The following PDE4D variants were observed in gnomAD, a reference collection of about 807,000 sequenced individuals.
The protein encoded by PDE4D is 3',5'-cyclic-AMP phosphodiesterase 4D.
A neutral mutation model predicts 87.4 loss-of-function variants in PDE4D; 24 were observed. That is an observed-to-expected ratio of 0.27 (90% confidence interval 0.20 to 0.39). PDE4D has a LOEUF of 0.39. PDE4D is among the 10% of genes least tolerant of loss of function. The pLI, the probability that PDE4D is intolerant of heterozygous loss-of-function variation, is 1.00. For missense variants in PDE4D, 714 were observed against 1,041.0 expected, an observed-to-expected ratio of 0.69 and a Z score of 4.32; for synonymous variants, 384 against 383.2, an observed-to-expected ratio of 1.00 and a Z score of -0.02.
intron 3 of PDE4D, among the ~76,000 whole-genome samples, chr5:59,924,291 G>C (rs967876520): frequency 5.3e-5 from 8 of 152,096 alleles, no homozygotes; most frequent in Admixed American, 3.3e-4. Context: ...AAGGTGGAGA[G>C]AGACATAGGG....
intron 2 of PDE4D, among the ~76,000 whole-genome samples, chr5:60,073,507 T>A (rs1476542033): frequency 3.3e-5 from 5 of 150,068 alleles, no homozygotes; most frequent in Admixed American, 1.3e-4. Flanking sequence ...TTTTTTTTTT[T>A]AAATCAGGAT....
At chr5:59,701,999 G>GC (rs1752645572) in intron 1 of PDE4D, among the ~76,000 whole-genome samples, 1 of 152,202 alleles carries the variant, frequency 6.6e-6, no homozygotes, top group African/African-American at 2.4e-5. Context: ...GGCCAAGAAA[G>GC]CACTGGTCAA....
chr5:59,653,968 G>A (rs1034287063), intron 1 of PDE4D, among the ~76,000 whole-genome samples: 43 of 152,028 alleles, frequency 2.8e-4, no homozygotes, highest in African/African-American at 1.0e-3. Context: ...CACTTTGGGA[G>A]GGTGAGGCCT....
upstream of PDE4D, among the ~76,000 whole-genome samples, chr5:59,896,648 T>C (rs1751688724): frequency 6.6e-6 from 1 of 152,228 alleles, no homozygotes; most frequent in Non-Finnish European, 1.5e-5. Context: ...CATCAGCAAC[T>C]ACTGATCCAG....
chr5:60,360,399 C>T (rs926055986), intron 1 of PDE4D, among the ~76,000 whole-genome samples: 1 of 152,134 alleles, frequency 6.6e-6, no homozygotes, highest in African/African-American at 2.4e-5. Flanking sequence ...AATGCAATTG[C>T]TTTTGAAAAA....
At chr5:59,822,615 T>C (rs976387045) in intron 1 of PDE4D, among the ~76,000 whole-genome samples, 1 of 152,210 alleles carries the variant, frequency 6.6e-6, no homozygotes. Context: ...ATGTTGCTAC[T>C]AAATAGATCT....
At chr5:59,210,787 A>C (rs372028394) in intron 2 of PDE4D, among the ~76,000 whole-genome samples, 39 of 152,314 alleles carry the variant, frequency 2.6e-4, no homozygotes, top group African/African-American at 9.4e-4. Flanking sequence ...TTAACAGAGG[A>C]TGGGGAATAG....
At chr5:59,290,501 G>C (rs979691474) in intron 1 of PDE4D, among the ~76,000 whole-genome samples, 1 of 152,024 alleles carries the variant, frequency 6.6e-6, no homozygotes, top group Non-Finnish European at 1.5e-5. Context: ...AAAGTCTCTA[G>C]AACATTGGAC....
intron 1 of PDE4D, among the ~76,000 whole-genome samples, chr5:59,580,348 G>GTT (rs1219630602): frequency 6.6e-6 from 1 of 152,186 alleles, no homozygotes; most frequent in Non-Finnish European, 1.5e-5. Flanking sequence ...ATTAAAGGAT[G>GTT]TAACTTATGT....
At chr5:60,002,831 G>A (rs1222934634) in intron 2 of PDE4D, among the ~76,000 whole-genome samples, 4 of 152,110 alleles carry the variant, frequency 2.6e-5, no homozygotes, top group Non-Finnish European at 5.9e-5. Context: ...ACTAAATGGT[G>A]GAAAACTGAA....
rs530526917 is a variant in PDE4D at position 59,966,087 on chromosome 5, A to G, written c.272+22401T>C. Among the ~76,000 whole-genome samples the G allele has an allele frequency of 4.6e-5, 7 of 152,150 alleles. No individual in the cohort carries two copies. In the South Asian group the frequency reaches 1.2e-3, roughly 27 times the overall value. On this transcript the variant is annotated intron_variant, in intron 3 of 16. Coordinates refer to the PDE4D transcript ENST00000502484. ...CTCACAAGTGAGGATCTCATCTGTT[A>G]CCCCCACCTCTCAACTCAATCTCTG...
chr5:59,363,562 C>G (rs11960438), intron 1 of PDE4D, among the ~76,000 whole-genome samples: 13,110 of 152,178 alleles, frequency 0.086, 658 homozygotes, highest in Middle Eastern at 0.14. Flanking sequence ...ACAGGAAAAA[C>G]AATTGGTGTC....
At chr5:59,523,158 T>C (rs1812526055) in intron 1 of PDE4D, among the ~76,000 whole-genome samples, 1 of 152,186 alleles carries the variant, frequency 6.6e-6, no homozygotes, top group South Asian at 2.1e-4. Flanking sequence ...TACATTTTGC[T>C]CTCAAACACC....
chr5:59,887,481 A>G (rs556911768), intron 1 of PDE4D, among the ~76,000 whole-genome samples: 1 of 152,346 alleles, frequency 6.6e-6, no homozygotes, highest in Admixed American at 6.5e-5. Context: ...CAGTACTAGC[A>G]GCATTCAAGT....
intron 1 of PDE4D, among the ~76,000 whole-genome samples, chr5:59,338,936 A>C (rs1778227314): frequency 6.6e-6 from 1 of 152,226 alleles, no homozygotes; most frequent in Non-Finnish European, 1.5e-5. Context: ...TGTTATGAAA[A>C]TATCTTATGA....
chr5:59,109,146 A>G (rs1448642767), intron 5 of PDE4D, among the ~76,000 whole-genome samples: 1 of 152,008 alleles, frequency 6.6e-6, no homozygotes, highest in African/African-American at 2.4e-5. Flanking sequence ...CATAATGCAC[A>G]TAGAAGTTGA....
chr5:60,268,084 C>A (rs979484671), intron 1 of PDE4D, among the ~76,000 whole-genome samples: 1 of 152,084 alleles, frequency 6.6e-6, no homozygotes, highest in Non-Finnish European at 1.5e-5. Context: ...TAGAGAGAAC[C>A]GCTACAGCAC....
chr5:59,932,853 C>T (rs974233862), intron 3 of PDE4D, among the ~76,000 whole-genome samples: 1 of 152,128 alleles, frequency 6.6e-6, no homozygotes, highest in Non-Finnish European at 1.5e-5. Context: ...AAGAATATTT[C>T]CCTAGAAAAT....
intron 1 of PDE4D, among the ~76,000 whole-genome samples, chr5:60,262,060 AG>A (rs74985191): frequency 0.013 from 1,992 of 152,246 alleles, 62 homozygotes; most frequent in East Asian, 0.12. Flanking sequence ...AAGAAAGAAC[AG>A]GGGAGATTAT....
Sources: allele counts gnomAD v4.1 joint callset (sites outside exome capture counted in the v4.1 genomes callset), GRCh38; gene constraint gnomAD v4.1.1; transcripts MANE v1.5; gene names NCBI Gene and HGNC (gene_info 2026-07-23, HGNC 2026-07-21).